The following SLC30A7 variants were observed in gnomAD, a reference collection of about 807,000 sequenced individuals.
The protein encoded by SLC30A7 is zinc transporter 7.
A neutral mutation model predicts 46.0 loss-of-function variants in SLC30A7; 35 were observed. The ratio of observed to expected loss-of-function variants is 0.76; its 90% CI spans 0.58 to 1.01. SLC30A7 has a LOEUF of 1.01. SLC30A7 is among the 50% of genes least tolerant of loss of function. SLC30A7 has a pLI of 0.00. For missense variants in SLC30A7, 464 were observed against 451.1 expected, an observed-to-expected ratio of 1.03 and a Z score of -0.26; for synonymous variants, 147 against 157.8, an observed-to-expected ratio of 0.93 and a Z score of 0.51.
chr1:100,902,661 G>A (rs559011165), intron 2 of SLC30A7, among the ~76,000 whole-genome samples: 19 of 152,168 alleles, frequency 1.2e-4, no homozygotes, highest in Non-Finnish European at 2.2e-4. Context: ...GCTTCAGTTG[G>A]TTTTCTAGTA....
chr1:100,898,376 C>A (rs1459864147), intron 2 of SLC30A7, among the ~76,000 whole-genome samples: 1 of 152,162 alleles, frequency 6.6e-6, no homozygotes, highest in Admixed American at 6.5e-5. Context: ...AGTCAGTATG[C>A]ATCAGTGCAT....
chr1:100,939,673 TA>T (rs779785674), intron 8 of SLC30A7, among the ~76,000 whole-genome samples: 4,132 of 133,602 alleles, frequency 0.031, 125 homozygotes, highest in African/African-American at 0.085. Context: ...TGTCTCTACT[TA>T]AAAAAAAAAA....
At chr1:100,942,626 G>A (rs556138990) in intron 8 of SLC30A7, among the ~76,000 whole-genome samples, 1 of 152,306 alleles carries the variant, frequency 6.6e-6, no homozygotes, top group East Asian at 1.9e-4. Flanking sequence ...AAACTCCAGA[G>A]AAATGGAGTC....
intron 8 of SLC30A7, among the ~76,000 whole-genome samples, chr1:100,950,787 A>G (rs1654910003): frequency 6.6e-6 from 1 of 152,118 alleles, no homozygotes; most frequent in Non-Finnish European, 1.5e-5. Flanking sequence ...ATGAAATCCT[A>G]TTTTAGTTTG....
intron 8 of SLC30A7, chr1:100,941,829 G>A: frequency 1.9e-6 from 1 of 528,098 alleles, no homozygotes; most frequent in Non-Finnish European, 3.6e-6. Flanking sequence ...AAGGCCCCTG[G>A]AGTGCCTGGT....
At chr1:100,923,312 A>G (rs71662913) in intron 8 of SLC30A7, among the ~76,000 whole-genome samples, 19,228 of 110,904 alleles carry the variant, frequency 0.17, 3,427 homozygotes, top group Middle Eastern at 0.31. Context: ...CACCGCGCCC[A>G]GCCTAGAATA....
chr1:100,896,124 C>G lies in SLC30A7; in HGVS notation c.-139C>G, dbSNP rs1350364462. 5.5e-6 allele frequency: 4 copies of G among 721,220 alleles called. No homozygotes were observed. In the East Asian group the frequency reaches 7.9e-5, roughly 14 times the overall value. 44.7% of individuals were successfully genotyped at this position (721,220 alleles called of 1,614,324 possible). On this transcript the variant is annotated 5_prime_UTR_variant, in exon 1 of 11. Transcript: ENST00000357650. ...CGAATTCCCGGGTGTGTGTCTGTGT[C>G]TGTCTGTGTCTCGCAGCGGCGCGCG...
chr1:100,915,909 T>A (rs568458730), intron 6 of SLC30A7, among the ~76,000 whole-genome samples: 3 of 152,224 alleles, frequency 2.0e-5, no homozygotes, highest in African/African-American at 7.2e-5. Context: ...AGGGTTTCCT[T>A]TTCTCTACAG....
At chr1:100,965,722 A>C in intron 9 of SLC30A7, 47 bp from the exon 10 acceptor site, 9 of 1,493,840 alleles carry the variant, frequency 6.0e-6, no homozygotes, top group Non-Finnish European at 8.4e-6. Context: ...AGTAAAAGGG[A>C]GTGCTTAACT....
At chr1:100,902,957 A>G (rs1651403587) in intron 2 of SLC30A7, among the ~76,000 whole-genome samples, 1 of 152,192 alleles carries the variant, frequency 6.6e-6, no homozygotes, top group African/African-American at 2.4e-5. Context: ...AGATAGTAAA[A>G]TATAGATCAA....
chr1:100,913,076 C>T (rs754586247), intron 5 of SLC30A7, among the ~76,000 whole-genome samples: 12 of 152,012 alleles, frequency 7.9e-5, no homozygotes, highest in Non-Finnish European at 1.6e-4. Flanking sequence ...TAAGATGTTG[C>T]TCGGTGGTTT....
chr1:100,917,047 A>G (rs557795347), intron 6 of SLC30A7, among the ~76,000 whole-genome samples: 2 of 152,030 alleles, frequency 1.3e-5, no homozygotes, highest in East Asian at 3.9e-4. Context: ...TTTTAATTTG[A>G]TGTAATCCTT....
In SLC30A7 at chr1:100,967,417, C is replaced by T. The variant is rs113905382; in HGVS notation, c.1083+1499C>T. On this transcript the variant is annotated intron_variant, in intron 10 of 10. Transcript: ENST00000357650. ...TGAGAATCTAATGCCACAGTTCACC[C>T]GCCACTCACCGCTGTGAGTGGCCTT... 6.5e-3 allele frequency among the ~76,000 whole-genome samples: 984 copies of T among 152,168 alleles called. 16 individuals are homozygous for T. The highest frequency in any genetic ancestry group is 0.02 in the African/African-American group (849 of 41,514).
chr1:100,902,920 C>G (rs1651401905), intron 2 of SLC30A7, among the ~76,000 whole-genome samples: 2 of 152,048 alleles, frequency 1.3e-5, no homozygotes, highest in Admixed American at 6.5e-5. Flanking sequence ...CAACCCATGA[C>G]AGTGTTTTAC....
intron 8 of SLC30A7, among the ~76,000 whole-genome samples, chr1:100,945,221 T>C (rs1654560280): frequency 6.6e-6 from 1 of 152,248 alleles, no homozygotes; most frequent in Non-Finnish European, 1.5e-5. Flanking sequence ...AAAAATTTTC[T>C]CCCATTCTGT....
At chr1:100,939,168 CAT>C (rs76849254) in intron 8 of SLC30A7, among the ~76,000 whole-genome samples, 18,380 of 152,074 alleles carry the variant, frequency 0.12, 1,342 homozygotes, top group Non-Finnish European at 0.17. Flanking sequence ...TGCTATTTAA[CAT>C]AGTATTAGTG....
intron 8 of SLC30A7, among the ~76,000 whole-genome samples, chr1:100,930,536 G>C (rs893600116): frequency 1.3e-5 from 2 of 151,940 alleles, no homozygotes; most frequent in Non-Finnish European, 2.9e-5. Context: ...TAAATAGAAA[G>C]AGTTGAATAG....
chr1:100,974,418 TG>T (rs1656340602), intron 10 of SLC30A7, among the ~76,000 whole-genome samples: 1 of 152,154 alleles, frequency 6.6e-6, no homozygotes, highest in African/African-American at 2.4e-5. Flanking sequence ...TTCCAATAGA[TG>T]GTTATACTTG....
At chr1:100,923,004 ATTTTTTTTTT>A (rs71084855) in intron 8 of SLC30A7, among the ~76,000 whole-genome samples, 8 of 49,140 alleles carry the variant, frequency 1.6e-4, no homozygotes, top group South Asian at 2.2e-3. Flanking sequence ...GTTAGAATAG[ATTTTTTTTTT>A]TTTTTTTTTT....
Sources: allele counts gnomAD v4.1 joint callset (sites outside exome capture counted in the v4.1 genomes callset), GRCh38; gene constraint gnomAD v4.1.1; transcripts MANE v1.5; gene names NCBI Gene and HGNC (gene_info 2026-07-23, HGNC 2026-07-21).